DNAJC1: variants seen among roughly 807,000 people sequenced by gnomAD.
DNAJC1 encodes DnaJ heat shock protein family (Hsp40) member C1.
DNAJC1 carries 58 observed loss-of-function variants against 76.6 expected under a neutral mutation model. The ratio of observed to expected loss-of-function variants is 0.76; its 90% CI spans 0.61 to 0.94. The LOEUF is 0.94. Among genes scored for constraint, DNAJC1 ranks in the 40% least tolerant of loss-of-function variants. The pLI is 0.00. For missense variants in DNAJC1, 689 were observed against 677.3 expected, an observed-to-expected ratio of 1.02 and a Z score of -0.19; for synonymous variants, 258 against 267.9, an observed-to-expected ratio of 0.96 and a Z score of 0.36.
intron 8 of DNAJC1, among the ~76,000 whole-genome samples, chr10:21,852,000 C>CT (rs1010423114): frequency 2.6e-5 from 4 of 151,508 alleles, no homozygotes; most frequent in Non-Finnish European, 5.9e-5. Context: ...TTGCAGTGAG[C>CT]CGAGATCACG....
intron 1 of DNAJC1, among the ~76,000 whole-genome samples, chr10:21,944,891 T>C (rs1348920130): frequency 6.6e-6 from 1 of 152,190 alleles, no homozygotes; most frequent in Non-Finnish European, 1.5e-5. Context: ...AGGATACTGA[T>C]AACATCTGCA....
intron 3 of DNAJC1, among the ~76,000 whole-genome samples, chr10:21,922,725 A>C (rs1295124045): frequency 6.6e-6 from 1 of 152,064 alleles, no homozygotes; most frequent in Non-Finnish European, 1.5e-5. Flanking sequence ...TACAACATTC[A>C]AATGAAGTCC....
At chr10:21,816,150 C>T (rs1646749253) in intron 8 of DNAJC1, among the ~76,000 whole-genome samples, 1 of 149,376 alleles carries the variant, frequency 6.7e-6, no homozygotes, top group South Asian at 2.1e-4. Context: ...GGGGGATCAC[C>T]TGAGGTCAGG....
intron 8 of DNAJC1, among the ~76,000 whole-genome samples, chr10:21,810,901 T>G (rs1834953257): frequency 6.6e-6 from 1 of 152,220 alleles, no homozygotes; most frequent in South Asian, 2.1e-4. Context: ...TATTATAGAT[T>G]TGGTGAATAT....
At chr10:21,867,479 G>C (rs1291920166) in intron 8 of DNAJC1, among the ~76,000 whole-genome samples, 3 of 152,116 alleles carry the variant, frequency 2.0e-5, no homozygotes, top group Non-Finnish European at 2.9e-5. Context: ...ACTGAGAAAG[G>C]AATAATACAA....
rs147205102 is a variant in DNAJC1, at chr10:21,947,703, T to C, written c.223-18562A>G. On this transcript the variant is annotated intron_variant, in intron 1 of 11. Transcript: ENST00000376980. ...CCCTCTGTTGTTCAAGAGTCTGTTA[T>C]AATTTGATACTGCATATCTTTTCTA... Among the ~76,000 whole-genome samples, 115 of 152,280 alleles carry C rather than the reference T, an allele frequency of 7.6e-4. 1 individual carries two copies. The highest frequency in any genetic ancestry group is 2.7e-3 in the African/African-American group (114 of 41,560).
At chr10:21,795,250 G>C (rs536294480) in intron 9 of DNAJC1, among the ~76,000 whole-genome samples, 5 of 152,174 alleles carry the variant, frequency 3.3e-5, no homozygotes, top group African/African-American at 1.2e-4. Flanking sequence ...TAAGACAAAT[G>C]ACCAATTAGT....
At chr10:21,771,950 T>C (rs1225537020) in intron 9 of DNAJC1, among the ~76,000 whole-genome samples, 1 of 152,212 alleles carries the variant, frequency 6.6e-6, no homozygotes, top group Non-Finnish European at 1.5e-5. Context: ...TGTTTGTTTG[T>C]TTGTTTTTAG....
intron 7 of DNAJC1, among the ~76,000 whole-genome samples, chr10:21,885,217 C>T (rs932374983): frequency 6.6e-6 from 1 of 151,482 alleles, no homozygotes; most frequent in Non-Finnish European, 1.5e-5. Flanking sequence ...GGTTGCAATC[C>T]TAATTTAAAG....
chr10:21,835,041 C>T (rs1378286438), intron 8 of DNAJC1, among the ~76,000 whole-genome samples: 1 of 152,198 alleles, frequency 6.6e-6, no homozygotes. Flanking sequence ...CAAGTGGGTC[C>T]CTGATCCCCG....
intron 8 of DNAJC1, among the ~76,000 whole-genome samples, chr10:21,878,801 T>A (rs950390343): frequency 5.3e-5 from 8 of 151,974 alleles, no homozygotes; most frequent in African/African-American, 1.5e-4. Flanking sequence ...TGCAACTAAC[T>A]CCAAAAATTG....
At chr10:21,842,469 T>C (rs1835589845) in intron 8 of DNAJC1, among the ~76,000 whole-genome samples, 1 of 152,148 alleles carries the variant, frequency 6.6e-6, no homozygotes, top group Non-Finnish European at 1.5e-5. Context: ...TAATTCTGAG[T>C]CTATGGTATT....
rs545454042 is a variant in DNAJC1 at position 21,942,323 on chromosome 10, T to A, written c.223-13182A>T. Among the ~76,000 whole-genome samples the A allele has an allele frequency of 1.6e-4, 24 of 152,252 alleles. No homozygotes were observed. In the South Asian group the frequency reaches 4.8e-3, roughly 30 times the overall value. Reference sequence around the variant, plus strand: ...ACCCTTATGTTCTAAACACTCCAAATTCATTCACATAACAGCAAAACTCCT... The same window carrying A: ...ACCCTTATGTTCTAAACACTCCAAAATCATTCACATAACAGCAAAACTCCT... On this transcript the variant is annotated intron_variant, in intron 1 of 11. Transcript: ENST00000376980.
At chr10:21,984,266 C>G (rs1017391985) in intron 1 of DNAJC1, among the ~76,000 whole-genome samples, 1 of 152,096 alleles carries the variant, frequency 6.6e-6, no homozygotes, top group Non-Finnish European at 1.5e-5. Flanking sequence ...CAAATAACAG[C>G]TTAAAAAATG....
chr10:21,851,715 G>A (rs1835757959), intron 8 of DNAJC1, among the ~76,000 whole-genome samples: 1 of 152,082 alleles, frequency 6.6e-6, no homozygotes, highest in Admixed American at 6.5e-5. Flanking sequence ...ATACGTAAAA[G>A]GTAGAAACAG....
chr10:21,863,026 G>A (rs911059115), intron 8 of DNAJC1, among the ~76,000 whole-genome samples: 1 of 152,070 alleles, frequency 6.6e-6, no homozygotes, highest in African/African-American at 2.4e-5. Context: ...CAGCTACTCA[G>A]GAGGCTGACG....
chr10:21,765,761 T>C (rs1439670622), intron 10 of DNAJC1, among the ~76,000 whole-genome samples: 1 of 152,090 alleles, frequency 6.6e-6, no homozygotes, highest in Non-Finnish European at 1.5e-5. Context: ...GGAGAATCAC[T>C]TGAACCTGGG....
In DNAJC1 at chr10:22,003,659, C is replaced by A. The variant is rs1033192334; in HGVS notation, c.-225G>T. 1.1e-5 allele frequency: 5 copies of A among 437,002 alleles called. No homozygotes were observed. Among genetic ancestry groups the A allele is most frequent in the African/African-American group, 2.1e-5 (1 of 48,354 alleles). The allele number at this position is 437,002 out of a possible 1,614,324, so 27.1% of individuals were successfully genotyped here. A position where few individuals can be genotyped will look rare whatever the true frequency, so the allele number is the denominator to read the frequency against. On this transcript the variant is annotated 5_prime_UTR_variant, in exon 1 of 12. Coordinates refer to ENST00000376980, the MANE Select transcript of DNAJC1 (RefSeq NM_022365.4). ...GCGGGCGGGGCCGCAGCCAGCGCTA[C>A]GTTCCGAAGACCCTCGCCCCCAGGC...
intron 1 of DNAJC1, among the ~76,000 whole-genome samples, chr10:21,960,933 T>C (rs1007721521): frequency 6.6e-6 from 1 of 152,188 alleles, no homozygotes; most frequent in African/African-American, 2.4e-5. Flanking sequence ...AGGATTTTAA[T>C]AGATATTTCT....
Sources: allele counts gnomAD v4.1 joint callset (sites outside exome capture counted in the v4.1 genomes callset), GRCh38; gene constraint gnomAD v4.1.1; transcripts MANE v1.5; gene names NCBI Gene and HGNC (gene_info 2026-07-23, HGNC 2026-07-21).